Variants in LMTK2 observed in about 807,000 individuals in gnomAD.
LMTK2 encodes serine/threonine-protein kinase LMTK2.
Under a neutral mutation model 127.5 loss-of-function variants are expected in LMTK2, and 37 were observed. The observed-to-expected ratio is 0.29, with a 90% confidence interval of 0.22 to 0.38. The LOEUF (loss-of-function observed/expected upper bound fraction) is 0.38, where lower values mean the gene tolerates loss of function less well. Ranked by LOEUF, LMTK2 falls within the 10% of genes least tolerant of loss-of-function variation. The probability of loss-of-function intolerance (pLI) is 1.00; values close to 1 mark genes in which losing one functional copy is unlikely to be tolerated. For synonymous variants in LMTK2, 819 were observed against 810.1 expected, an observed-to-expected ratio of 1.01 and a Z score of -0.19; for missense variants, 1,694 against 1,920.3, an observed-to-expected ratio of 0.88 and a Z score of 2.20.
chr7:98,180,586 A>G (rs1424619188), intron 7 of LMTK2, among the ~76,000 whole-genome samples: 1 of 152,210 alleles, frequency 6.6e-6, no homozygotes, highest in Non-Finnish European at 1.5e-5. Context: ...CTGTGTCTTG[A>G]AATATGCTCT....
intron 7 of LMTK2, among the ~76,000 whole-genome samples, chr7:98,181,046 G>A (rs1797349240): frequency 6.6e-6 from 1 of 152,172 alleles, no homozygotes; most frequent in African/African-American, 2.4e-5. Flanking sequence ...TCAGTATCAA[G>A]ATAAAAGTGT....
intron 4 of LMTK2, 148 bp downstream of exon 4, chr7:98,151,603 T>G: frequency 1.6e-6 from 1 of 615,648 alleles, no homozygotes; most frequent in Non-Finnish European, 2.8e-6. Flanking sequence ...TGTGGCAGCG[T>G]GGGGGCGTGA....
chr7:98,193,323 T>C lies in LMTK2; in HGVS notation c.2858T>C (p.Leu953Pro). 6.2e-7 allele frequency: 1 copy of C among 1,614,048 alleles called. No homozygotes were observed. Among genetic ancestry groups the C allele is most frequent in the Non-Finnish European group, 8.5e-7 (1 of 1,180,018 alleles). ...NLEAVETLNQ[L>P]NSKDAAKEAG... is the part of the protein sequence containing the mutation. ...GAGGCTGTGGAGACTTTAAATCAGC[T>C]CAATTCTAAAGACGCAGCAAAAGAA... The change falls in exon 11 of 14, where the codon CTC (leucine) becomes CCC (proline). Residue 953 changes from leucine (L) to proline (P), a missense_variant. Transcript: ENST00000297293. This position sits in a 1 kb window ranked among gnomAD's most constrained non-coding sequence, Gnocchi z 4.1.
At chr7:98,163,841 G>A (rs550490616) in intron 6 of LMTK2, among the ~76,000 whole-genome samples, 2 of 137,108 alleles carry the variant, frequency 1.5e-5, no homozygotes, top group South Asian at 4.7e-4. Context: ...AATACAAAGG[G>A]CACAAAGGGC....
rs1248543449 is a variant in LMTK2, at chr7:98,194,202, C to T, written c.3737C>T (p.Ser1246Phe). 3.7e-6 allele frequency: 6 copies of T among 1,613,872 alleles called. No homozygotes were observed. Among genetic ancestry groups the T allele is most frequent in the Non-Finnish European group, 5.1e-6 (6 of 1,179,996 alleles). ...LAYTNSALDK[S>F]LSSHSEGPKL... ...TACACCAATTCTGCGCTGGACAAGT[C>T]CCTGTCCAGCCACTCCGAGGGCCCG... The change falls in exon 11 of 14, where the codon TCC (serine) becomes TTC (phenylalanine). Residue 1246 changes from serine to phenylalanine, a missense_variant. Around this residue, in one of 8 missense-constraint regions of LMTK2, gnomAD observed 554 missense variants for 567.7 expected, o/e 0.98. Transcript: ENST00000297293. This position sits in a 1 kb window ranked among gnomAD's most constrained non-coding sequence, Gnocchi z 5.4.
chr7:98,168,472 C>T (rs763980278), intron 6 of LMTK2, among the ~76,000 whole-genome samples: 15 of 152,162 alleles, frequency 9.9e-5, no homozygotes, highest in Non-Finnish European at 1.5e-4. Flanking sequence ...GGGGGTGTTG[C>T]GCTGTCTATA....
At position 98,194,406 on chromosome 7, in the gene LMTK2, C is replaced by G; in HGVS notation, c.3941C>G (p.Thr1314Ser). 1.9e-6 allele frequency: 3 copies of G among 1,614,152 alleles called. No individual in the cohort carries two copies. Among genetic ancestry groups the G allele is most frequent in the South Asian group, 2.2e-5 (2 of 91,084 alleles). ...CTCAGCTCCGAGTCGGAGGACGAGA[C>G]CGAGCACCCCGTGCCCATCATCCTC... Reference protein sequence around the residue: ...HSLSSESEDETEHPVPIILSN... With the variant: ...HSLSSESEDESEHPVPIILSN... Residue 1314 changes from threonine (T) to serine (S), a missense_variant, in exon 11 of 14, where the codon ACC becomes AGC. Physicochemically the swap from Thr to Ser is moderately conservative, Grantham distance 58. Coordinates refer to ENST00000297293, the MANE Select transcript of LMTK2 (RefSeq NM_014916.4). The surrounding 1 kb of genome is among the most constrained non-coding windows in gnomAD (Gnocchi z 5.4).
rs181502183 is a variant in LMTK2, at chr7:98,195,422, C to A, written c.4107+850C>A. On this transcript the variant is annotated intron_variant, in intron 11 of 13. Transcript: ENST00000297293. ...AGCTTAGTGTGCACTGCTGAGTGGG[C>A]ATGGATTTAGGCTCCTTTAAAAATG... 4.4e-4 allele frequency among the ~76,000 whole-genome samples: 67 copies of A among 151,730 alleles called. No homozygotes were observed. The East Asian group carries it at 9.7e-3, about 22-fold the overall frequency.
At position 98,194,399 on chromosome 7, in the gene LMTK2, G is replaced by T; in HGVS notation, c.3934G>T (p.Asp1312Tyr). 3 of 1,614,140 alleles carry T rather than the reference G, an allele frequency of 1.9e-6. No individual in the cohort carries two copies. Among genetic ancestry groups the T allele is most frequent in the Non-Finnish European group, 2.5e-6 (3 of 1,180,038 alleles). ...NLHSLSSESEDETEHPVPIIL... is the reference protein window; with the variant it reads ...NLHSLSSESEYETEHPVPIIL... ...GCATAGCCTCAGCTCCGAGTCGGAG[G>T]ACGAGACCGAGCACCCCGTGCCCAT... Residue 1312 changes from aspartate (D) to tyrosine (Y), a missense_variant, in exon 11 of 14, where the codon GAC becomes TAC. Transcript: ENST00000297293. This position sits in a 1 kb window ranked among gnomAD's most constrained non-coding sequence, Gnocchi z 5.4.
intron 4 of LMTK2, among the ~76,000 whole-genome samples, chr7:98,154,464 A>G (rs1796898979): frequency 6.6e-6 from 1 of 152,260 alleles, no homozygotes; most frequent in African/African-American, 2.4e-5. Flanking sequence ...GAAGTAGAAT[A>G]CATTTTTAAA....
chr7:98,109,023 G>A lies in LMTK2; in HGVS notation c.103+1743G>A, dbSNP rs563809081. Among the ~76,000 whole-genome samples, 141 of 151,926 alleles carry A rather than the reference G, an allele frequency of 9.3e-4. 1 individual carries two copies. The Middle Eastern group carries it at 0.014, about 15-fold the overall frequency. ...ACTACAGGCCCCTGCCACCATGTCC[G>A]GCTAATTTTTGTATTTTTAGTAGAG... is the stretch of plus-strand genomic sequence containing the variant. On this transcript the variant is annotated intron_variant, in intron 1 of 13. Transcript: ENST00000297293.
chr7:98,115,591 C>T (rs1321576928), intron 1 of LMTK2, among the ~76,000 whole-genome samples: 1 of 151,866 alleles, frequency 6.6e-6, no homozygotes, highest in Non-Finnish European at 1.5e-5. Flanking sequence ...GGGCGGGTCA[C>T]GAGGTCAAGA....
chr7:98,111,947 T>C (rs1796207231), intron 1 of LMTK2, among the ~76,000 whole-genome samples: 1 of 152,228 alleles, frequency 6.6e-6, no homozygotes, highest in Non-Finnish European at 1.5e-5. Flanking sequence ...TCTGGGTTAG[T>C]CTGCTTTTAT....
intron 9 of LMTK2, among the ~76,000 whole-genome samples, chr7:98,187,404 G>A (rs1434549262): frequency 6.6e-6 from 1 of 151,936 alleles, no homozygotes; most frequent in Non-Finnish European, 1.5e-5. Flanking sequence ...CTAAAACTTT[G>A]ACTAACAATT....
intron 11 of LMTK2, among the ~76,000 whole-genome samples, chr7:98,198,654 C>G (rs1042374655): frequency 2.0e-5 from 3 of 152,240 alleles, no homozygotes; most frequent in Admixed American, 6.5e-5. Context: ...CCGTGCCTGG[C>G]TAATTTTTGT....
chr7:98,129,781 C>G (rs1796496375), intron 1 of LMTK2, among the ~76,000 whole-genome samples: 1 of 150,982 alleles, frequency 6.6e-6, no homozygotes, highest in East Asian at 1.9e-4. Context: ...GCCCCTTCAT[C>G]GCTCTCTAAC....
chr7:98,126,004 T>C (rs1322543322), intron 1 of LMTK2, among the ~76,000 whole-genome samples: 2 of 152,194 alleles, frequency 1.3e-5, no homozygotes, highest in Non-Finnish European at 2.9e-5. Flanking sequence ...TTGCCTAAGA[T>C]TGCATTTCAG....
intron 7 of LMTK2, among the ~76,000 whole-genome samples, chr7:98,184,324 CTGTT>C (rs767763394): frequency 2.7e-4 from 41 of 152,232 alleles, no homozygotes; most frequent in Non-Finnish European, 2.1e-4. Flanking sequence ...TGTTTTCTGT[CTGTT>C]AGGAGACTGT....
rs149952446 is a variant in LMTK2, at chr7:98,124,770, G to A, written c.104-12545G>A. Among the ~76,000 whole-genome samples the A allele has an allele frequency of 2.0e-3, 293 of 149,748 alleles. 2 individuals are homozygous for A. The highest frequency in any genetic ancestry group is 6.8e-3 in the African/African-American group (282 of 41,394). ...CACTGATTCCAGCCGAGGTGACAGA[G>A]CAAGACTGTGTCTCTAAAAAAAAAA... On this transcript the variant is annotated intron_variant, in intron 1 of 13. Coordinates refer to ENST00000297293, the MANE Select transcript of LMTK2 (RefSeq NM_014916.4).
Sources: gnomAD v4.1 joint callset for allele counts (sites outside exome capture counted in the v4.1 genomes callset) on GRCh38, gnomAD v4.1.1 for gene constraint, gnomAD v4.1.1 regional missense constraint, Gnocchi (gnomAD v3.1) non-coding constraint, MANE v1.5 for transcripts, NCBI Gene and HGNC (gene_info 2026-07-23, HGNC 2026-07-21) for gene names.